DERA: variants seen among roughly 807,000 people sequenced by gnomAD.
The protein encoded by DERA is 2-deoxy-D-ribose 5-phosphate aldolase.
DERA carries 15 observed loss-of-function variants against 41.1 expected under a neutral mutation model. The ratio of observed to expected loss-of-function variants is 0.37; its 90% confidence interval spans 0.24 to 0.56. The LOEUF is 0.56. Ranked by LOEUF, DERA falls within the 20% of genes least tolerant of loss-of-function variation. The pLI is 0.81. For synonymous variants in DERA, 139 were observed against 137.4 expected (o/e 1.01, Z -0.08); for missense variants, 396 against 403.4 (o/e 0.98, Z 0.16).
intron 1 of DERA, among the ~76,000 whole-genome samples, chr12:15,946,691 G>T (rs1948452312): frequency 2.0e-5 from 3 of 151,884 alleles, no homozygotes; most frequent in Non-Finnish European, 4.4e-5. Flanking sequence ...TGGATTCATT[G>T]ATTTTTCGAA....
In DERA at chr12:15,977,873, G is replaced by A. The variant is rs184692984; in HGVS notation, c.509-4435G>A. Among the ~76,000 whole-genome samples the A allele has an allele frequency of 6.7e-4, 102 of 152,314 alleles. 1 individual carries two copies. The highest frequency in any genetic ancestry group is 2.3e-3 in the Admixed American group (35 of 15,304). On this transcript the variant is annotated intron_variant, in intron 5 of 8. Coordinates refer to ENST00000428559, the MANE Select transcript of DERA (RefSeq NM_015954.4). Reference sequence around the variant, plus strand: ...TTTTGAGGGAAGAGGCTTTGAAAACGTAGGGGATTTCTCATCCTTTAGAGT... The same window carrying A: ...TTTTGAGGGAAGAGGCTTTGAAAACATAGGGGATTTCTCATCCTTTAGAGT...
chr12:15,981,572 A>G lies in DERA; in HGVS notation c.509-736A>G, dbSNP rs1035026868. Among the ~76,000 whole-genome samples the G allele has an allele frequency of 2.9e-4, 44 of 152,192 alleles. No individual in the cohort carries two copies. Among genetic ancestry groups the G allele is most frequent in the African/African-American group, 9.7e-4 (40 of 41,442 alleles). On this transcript the variant is annotated intron_variant, in intron 5 of 8. Transcript: ENST00000428559. The surrounding 1 kb of genome is among the most constrained non-coding windows in gnomAD (Gnocchi z 6.1). ...ATTTTGGTCTAATTTGCTTACTAAA[A>G]TCCTGCTACCTTTCATGTAAAATGT...
chr12:15,992,365 C>T lies in DERA; in HGVS notation c.637+9929C>T, dbSNP rs1267205782. ...TATTTTAGTTGAACAAAAAGAGAGA[C>T]AATTTATATTTTAACAAGGATATTG... On this transcript the variant is annotated intron_variant, in intron 6 of 8. Coordinates refer to ENST00000428559, the MANE Select transcript of DERA (RefSeq NM_015954.4). The surrounding 1 kb of genome is among the most constrained non-coding windows in gnomAD (Gnocchi z 4.3). 1.3e-5 allele frequency among the ~76,000 whole-genome samples: 2 copies of T among 151,962 alleles called. No homozygotes were observed. Among genetic ancestry groups the T allele is most frequent in the African/African-American group, 4.8e-5 (2 of 41,392 alleles).
At position 16,009,166 on chromosome 12, in the gene DERA, G is replaced by A. The variant is rs1221358475; in HGVS notation, c.638-23376G>A. ...ATTTTCAGAAAGGGAGACTTATTCT[G>A]TTCCTCCTCCTTCTCTTACTGTTGT... On this transcript the variant is annotated intron_variant, in intron 6 of 8. Transcript: ENST00000428559. This position sits in a 1 kb window ranked among gnomAD's most constrained non-coding sequence, Gnocchi z 5.3. Among the ~76,000 whole-genome samples, 1 of 152,146 alleles carries A rather than the reference G, an allele frequency of 6.6e-6. No homozygotes were observed. The highest frequency in any genetic ancestry group is 1.5e-5 in the Non-Finnish European group (1 of 68,038).
intron 1 of DERA, among the ~76,000 whole-genome samples, chr12:15,952,419 GA>G (rs1452261143): frequency 2.6e-5 from 4 of 151,994 alleles, no homozygotes; most frequent in African/African-American, 9.7e-5. Flanking sequence ...GCCCTGTTTG[GA>G]GATCTTCTCT....
In DERA at chr12:16,011,314, C is replaced by T. The variant is rs1298047484; in HGVS notation, c.638-21228C>T. 1.3e-5 allele frequency among the ~76,000 whole-genome samples: 2 copies of T among 152,090 alleles called. No individual in the cohort carries two copies. Among genetic ancestry groups the T allele is most frequent in the Non-Finnish European group, 2.9e-5 (2 of 68,020 alleles). On this transcript the variant is annotated intron_variant, in intron 6 of 8. Coordinates refer to ENST00000428559, the MANE Select transcript of DERA (RefSeq NM_015954.4). The surrounding 1 kb of genome is among the most constrained non-coding windows in gnomAD (Gnocchi z 4.7). ...ATCATATTTTACAGGTTGAATATCCCTTATCTTAAATGCTTGGAACCAGAA... is the reference window on the plus strand; with the variant it reads ...ATCATATTTTACAGGTTGAATATCCTTTATCTTAAATGCTTGGAACCAGAA...
In DERA at chr12:15,994,189, A is replaced by G. The variant is rs1454545628; in HGVS notation, c.637+11753A>G. 3.3e-5 allele frequency among the ~76,000 whole-genome samples: 5 copies of G among 152,244 alleles called. No homozygotes were observed. The highest frequency in any genetic ancestry group is 7.3e-5 in the Non-Finnish European group (5 of 68,034). Reference sequence around the variant, plus strand: ...ATGCCTAGTACATGCTTGCTGATAGATTCAGGTATCACACATATGAGTACA... The same window carrying G: ...ATGCCTAGTACATGCTTGCTGATAGGTTCAGGTATCACACATATGAGTACA... On this transcript the variant is annotated intron_variant, in intron 6 of 8. Coordinates refer to ENST00000428559, the MANE Select transcript of DERA (RefSeq NM_015954.4). The surrounding 1 kb of genome is among the most constrained non-coding windows in gnomAD (Gnocchi z 4.8).
chr12:15,962,752 T>G, intron 4 of DERA, 61 bp from the exon 5 acceptor site: 6 of 1,370,514 alleles, frequency 4.4e-6, no homozygotes, highest in Non-Finnish European at 6.0e-6. Flanking sequence ...CCTCCCCCCC[T>G]TGCTTACTTT....
In DERA at chr12:16,014,925, G is replaced by C. The variant is rs1004875072; in HGVS notation, c.638-17617G>C. On this transcript the variant is annotated intron_variant, in intron 6 of 8. Coordinates refer to ENST00000428559, the MANE Select transcript of DERA (RefSeq NM_015954.4). This position sits in a 1 kb window ranked among gnomAD's most constrained non-coding sequence, Gnocchi z 5.4. ...TGGAGTCAAAGGAGATCTTTTTGTAGCTTTAAGATTTGACTGCCCTCCTGG... is the reference window on the plus strand; with the variant it reads ...TGGAGTCAAAGGAGATCTTTTTGTACCTTTAAGATTTGACTGCCCTCCTGG... Among the ~76,000 whole-genome samples the C allele has an allele frequency of 1.3e-5, 2 of 152,194 alleles. No homozygotes were observed. Among genetic ancestry groups the C allele is most frequent in the African/African-American group, 2.4e-5 (1 of 41,444 alleles).
At position 15,994,010 on chromosome 12, in the gene DERA, G is replaced by GT. The variant is rs1176761495; in HGVS notation, c.637+11580dup. Among the ~76,000 whole-genome samples the GT allele has an allele frequency of 6.6e-6, 1 of 152,144 alleles. No homozygotes were observed. Among genetic ancestry groups the GT allele is most frequent in the Non-Finnish European group, 1.5e-5 (1 of 68,018 alleles). ...AAAAAGAGAGAAAAGAAAAAGCTTA[G>GT]TTTTTTATGTGGCATATTTTCTGGT... is the stretch of plus-strand genomic sequence containing the variant. On this transcript the variant is annotated intron_variant, in intron 6 of 8. Coordinates refer to ENST00000428559, the MANE Select transcript of DERA (RefSeq NM_015954.4). The surrounding 1 kb of genome is among the most constrained non-coding windows in gnomAD (Gnocchi z 4.8).
chr12:15,919,335 T>C (rs1948224648), intron 1 of DERA, among the ~76,000 whole-genome samples: 1 of 152,136 alleles, frequency 6.6e-6, no homozygotes, highest in Non-Finnish European at 1.5e-5. Context: ...CAAGCACTTA[T>C]TTAAAATGGG....
intron 5 of DERA, among the ~76,000 whole-genome samples, chr12:15,979,335 T>C (rs1948718295): frequency 6.6e-6 from 1 of 152,206 alleles, no homozygotes; most frequent in Non-Finnish European, 1.5e-5. Context: ...TACCACACTG[T>C]TGGCTGGTGG....
chr12:15,924,663 ATTACCT>A lies in DERA; in HGVS notation c.31+13253_31+13258del, dbSNP rs1342738102. Among the ~76,000 whole-genome samples, 1 of 152,178 alleles carries A rather than the reference ATTACCT, an allele frequency of 6.6e-6. No homozygotes were observed. Among genetic ancestry groups the A allele is most frequent in the Non-Finnish European group, 1.5e-5 (1 of 68,040 alleles). On this transcript the variant is annotated intron_variant, in intron 1 of 8. Transcript: ENST00000428559. This position sits in a 1 kb window ranked among gnomAD's most constrained non-coding sequence, Gnocchi z 5.0. ...ACTATTAAGTGAGATATATAATTAAATTACCTTTAACTTGATGAGTGATCAATAAAT... is the reference window on the plus strand; with the variant it reads ...ACTATTAAGTGAGATATATAATTAAATTAACTTGATGAGTGATCAATAAAT...
chr12:15,934,955 G>A (rs562064394), intron 1 of DERA, among the ~76,000 whole-genome samples: 11 of 152,242 alleles, frequency 7.2e-5, no homozygotes, highest in Non-Finnish European at 1.3e-4. Context: ...AAACAATAGC[G>A]AAAAAGATTA....
chr12:15,973,778 G>A (rs1441322452), intron 5 of DERA, among the ~76,000 whole-genome samples: 1 of 151,910 alleles, frequency 6.6e-6, no homozygotes, highest in Non-Finnish European at 1.5e-5. Context: ...AAGGAAAAAA[G>A]CATGTTACAG....
At chr12:15,948,428 C>G (rs1473512349) in intron 1 of DERA, among the ~76,000 whole-genome samples, 2 of 152,070 alleles carry the variant, frequency 1.3e-5, no homozygotes, top group African/African-American at 4.8e-5. Context: ...CTCTAAACTT[C>G]TCACTTCATT....
At chr12:15,920,955 A>G (rs956445088) in intron 1 of DERA, among the ~76,000 whole-genome samples, 1 of 152,240 alleles carries the variant, frequency 6.6e-6, no homozygotes, top group African/African-American at 2.4e-5. Context: ...CAGGGGCAGA[A>G]CCATGCAGTA....
chr12:15,948,632 G>T (rs529935161), intron 1 of DERA, among the ~76,000 whole-genome samples: 9 of 152,118 alleles, frequency 5.9e-5, no homozygotes, highest in African/African-American at 2.2e-4. Context: ...TATCTTCTTT[G>T]CGACTGGTCG....
At position 15,957,490 on chromosome 12, in the gene DERA, A is replaced by G. The variant is rs539378649; in HGVS notation, c.129+457A>G. Among the ~76,000 whole-genome samples, 6 of 152,290 alleles carry G rather than the reference A, an allele frequency of 3.9e-5. No homozygotes were observed. The highest frequency in any genetic ancestry group is 1.4e-4 in the African/African-American group (6 of 41,560). On this transcript the variant is annotated intron_variant, in intron 2 of 8. Coordinates refer to ENST00000428559, the MANE Select transcript of DERA (RefSeq NM_015954.4). The surrounding 1 kb of genome is among the most constrained non-coding windows in gnomAD (Gnocchi z 4.8). ...CTATAAATCATTTTTCAAAATTCCAAAAATGATGTTTCGTAGAGTACTTGC... is the reference window on the plus strand; with the variant it reads ...CTATAAATCATTTTTCAAAATTCCAGAAATGATGTTTCGTAGAGTACTTGC...
Sources: gnomAD v4.1 joint callset for allele counts (sites outside exome capture counted in the v4.1 genomes callset) on GRCh38, gnomAD v4.1.1 for gene constraint, Gnocchi (gnomAD v3.1) non-coding constraint, MANE v1.5 for transcripts, NCBI Gene and HGNC (gene_info 2026-07-23, HGNC 2026-07-21) for gene names.